IL1RAPL1: variants seen among roughly 807,000 people sequenced by gnomAD.
The protein encoded by IL1RAPL1 is interleukin-1 receptor accessory protein-like 1.
In IL1RAPL1, 3 loss-of-function variants were observed where a neutral mutation model predicts 48.4. The ratio of observed to expected loss-of-function variants is 0.06; its 90% CI spans 0.03 to 0.16. The LOEUF (loss-of-function observed/expected upper bound fraction) is 0.16. Among genes scored for constraint, IL1RAPL1 ranks in the 10% least tolerant of loss-of-function variants. IL1RAPL1 has a pLI of 1.00. For missense variants in IL1RAPL1, 349 were observed against 530.6 expected (o/e 0.66, Z 3.36); for synonymous variants, 185 against 187.7 (o/e 0.99, Z 0.12).
chrX:28,979,661 G>T, intron 2 of IL1RAPL1, among the ~76,000 whole-genome samples: 1 of 111,572 alleles, frequency 9.0e-6, no homozygotes, highest in Admixed American at 9.5e-5. Context: ...AAAACAAAAG[G>T]AAAAATAATG....
intron 2 of IL1RAPL1, among the ~76,000 whole-genome samples, chrX:29,148,131 A>G (rs1929386256): frequency 8.9e-6 from 1 of 112,135 alleles, no homozygotes; most frequent in Non-Finnish European, 1.9e-5. Flanking sequence ...TAAAGTATGT[A>G]TAGACATACA....
intron 6 of IL1RAPL1, among the ~76,000 whole-genome samples, chrX:29,898,606 G>A (rs778865899): frequency 2.7e-5 from 3 of 112,223 alleles, no homozygotes; most frequent in Non-Finnish European, 5.6e-5. Flanking sequence ...GGCATTCCCC[G>A]TAACAGTCAA....
chrX:28,768,729 G>GTCTCTCTCTCTCTC (rs1203182036), intron 1 of IL1RAPL1, among the ~76,000 whole-genome samples: 3 of 50,720 alleles, frequency 5.9e-5, no homozygotes, highest in African/African-American at 7.8e-5. Flanking sequence ...CTCTCTCTCT[G>GTCTCTCTCTCTCTC]TCTCTCTCTC....
intron 3 of IL1RAPL1, among the ~76,000 whole-genome samples, chrX:29,288,633 A>T (rs1428974062): frequency 8.9e-6 from 1 of 112,122 alleles, no homozygotes; most frequent in Non-Finnish European, 1.9e-5. Context: ...TCATGCATTT[A>T]TCTTTATAAT....
chrX:28,689,973 C>T (rs996222790), intron 1 of IL1RAPL1, among the ~76,000 whole-genome samples: 6 of 111,809 alleles, frequency 5.4e-5, no homozygotes, highest in African/African-American at 2.0e-4. Context: ...CAGTCTTTTG[C>T]CTGTTTACTC....
At chrX:28,895,344 G>A (rs753952111) in intron 2 of IL1RAPL1, among the ~76,000 whole-genome samples, 46 of 109,564 alleles carry the variant, frequency 4.2e-4, no homozygotes, top group Admixed American at 1.9e-3. Context: ...TTTTCAAAGC[G>A]TGCTGTGGGA....
chrX:29,578,769 G>A, intron 5 of IL1RAPL1, among the ~76,000 whole-genome samples: 1 of 112,092 alleles, frequency 8.9e-6, no homozygotes, highest in Middle Eastern at 4.6e-3. Flanking sequence ...AAGATGGGAA[G>A]TGATATGCTA....
chrX:29,614,184 C>T (rs1161389907), intron 5 of IL1RAPL1, among the ~76,000 whole-genome samples: 1 of 111,456 alleles, frequency 9.0e-6, no homozygotes, highest in Non-Finnish European at 1.9e-5. Context: ...TAATTACATC[C>T]GCTGACAAAT....
rs142155192 is a variant in IL1RAPL1, at chrX:29,724,467, A to G, written c.778+55963A>G. Among the ~76,000 whole-genome samples the G allele has an allele frequency of 1.5e-3, 171 of 112,450 alleles. 3 individuals are homozygous for G. In the East Asian group the frequency reaches 0.043, roughly 29 times the overall value. Reference sequence around the variant, plus strand: ...AATCATTACAAAGTAATACATTGACAATTACAAAGCTAGCATGCTCCTGAG... The same window carrying G: ...AATCATTACAAAGTAATACATTGACGATTACAAAGCTAGCATGCTCCTGAG... On this transcript the variant is annotated intron_variant, in intron 6 of 10. Transcript: ENST00000378993.
intron 6 of IL1RAPL1, among the ~76,000 whole-genome samples, chrX:29,738,978 C>A (rs1928127549): frequency 8.9e-6 from 1 of 112,463 alleles, no homozygotes; most frequent in South Asian, 3.6e-4. Flanking sequence ...AGTTTTTGGT[C>A]AGACAATCTA....
At chrX:29,349,741 G>C (rs769308327) in intron 3 of IL1RAPL1, among the ~76,000 whole-genome samples, 1 of 110,587 alleles carries the variant, frequency 9.0e-6, no homozygotes, top group South Asian at 3.9e-4. Flanking sequence ...TCTCACAAAA[G>C]CTCCTCTGAT....
chrX:28,694,099 A>G (rs779893973), intron 1 of IL1RAPL1, among the ~76,000 whole-genome samples: 48 of 111,164 alleles, frequency 4.3e-4, no homozygotes, highest in African/African-American at 1.5e-3. Context: ...TTTCTTCTGG[A>G]AACACCCTTC....
At chrX:29,114,274 G>A (rs765929709) in intron 2 of IL1RAPL1, among the ~76,000 whole-genome samples, 5 of 111,802 alleles carry the variant, frequency 4.5e-5, no homozygotes, top group African/African-American at 9.7e-5. Context: ...ACATTTTAAC[G>A]CTAATTTTGA....
rs980447850 is a variant in IL1RAPL1 at position 29,732,757 on chromosome X, C to T, written c.778+64253C>T. Among the ~76,000 whole-genome samples, 3 of 111,853 alleles carry T rather than the reference C, an allele frequency of 2.7e-5. No homozygotes were observed. In the Admixed American group the frequency reaches 2.9e-4, roughly 11 times the overall value. Reference sequence around the variant, plus strand: ...TCTGTTGCTGGTCTCAGGCCCAGGGCAGTTTTACTTCTCTCTTAGGATTGG... The same window carrying T: ...TCTGTTGCTGGTCTCAGGCCCAGGGTAGTTTTACTTCTCTCTTAGGATTGG... On this transcript the variant is annotated intron_variant, in intron 6 of 10. Transcript: ENST00000378993.
At chrX:29,230,119 A>G (rs1931163233) in intron 2 of IL1RAPL1, among the ~76,000 whole-genome samples, 1 of 111,781 alleles carries the variant, frequency 8.9e-6, no homozygotes, top group African/African-American at 3.3e-5. Context: ...TTGTGAAGTT[A>G]TTGGCTATAA....
chrX:28,835,647 T>A (rs1398113146), intron 2 of IL1RAPL1, among the ~76,000 whole-genome samples: 1 of 111,673 alleles, frequency 9.0e-6, no homozygotes, highest in African/African-American at 3.2e-5. Context: ...CATTTAAGTG[T>A]GGTTATTTGA....
intron 1 of IL1RAPL1, among the ~76,000 whole-genome samples, chrX:28,588,916 A>G (rs905844670): frequency 8.9e-6 from 1 of 111,928 alleles, no homozygotes; most frequent in Admixed American, 9.5e-5. Flanking sequence ...AGCTTGGGAA[A>G]TGCAGGCAAT....
intron 2 of IL1RAPL1, among the ~76,000 whole-genome samples, chrX:29,213,480 T>C (rs1435902445): frequency 8.9e-6 from 1 of 112,862 alleles, no homozygotes. Flanking sequence ...GAATGTGTAA[T>C]TGCTCTGTGC....
intron 5 of IL1RAPL1, among the ~76,000 whole-genome samples, chrX:29,625,094 C>T (rs1388134510): frequency 6.3e-5 from 7 of 111,332 alleles, no homozygotes; most frequent in Non-Finnish European, 1.1e-4. Context: ...AAAATATGTG[C>T]GTGGCTTTGT....
Sources: allele counts gnomAD v4.1 joint callset (sites outside exome capture counted in the v4.1 genomes callset), GRCh38; gene constraint gnomAD v4.1.1; transcripts MANE v1.5; gene names NCBI Gene and HGNC (gene_info 2026-07-23, HGNC 2026-07-21).